The following HSD17B4 variants were observed in gnomAD, a reference collection of about 807,000 sequenced individuals.
The protein encoded by HSD17B4 is hydroxysteroid 17-beta dehydrogenase 4.
Under a neutral mutation model 101.0 loss-of-function variants are expected in HSD17B4, and 70 were observed. That is an observed-to-expected ratio of 0.69 (90% confidence interval 0.57 to 0.85). The LOEUF is 0.85. Among genes scored for constraint, HSD17B4 ranks in the 40% least tolerant of loss-of-function variants. The probability of loss-of-function intolerance (pLI) is 0.00; values close to 1 mark genes in which losing one functional copy is unlikely to be tolerated. For missense variants in HSD17B4, 984 were observed against 892.4 expected (o/e 1.10, Z -1.31); for synonymous variants, 347 against 297.1 (o/e 1.17, Z -1.73).
chr5:119,467,002 GT>G (rs1363841522), intron 2 of HSD17B4, among the ~76,000 whole-genome samples: 1 of 152,022 alleles, frequency 6.6e-6, no homozygotes, highest in African/African-American at 2.4e-5. Context: ...TTCAAGAAAT[GT>G]TTACATTTTC....
chr5:119,456,574 A>G, intron 2 of HSD17B4: 1 of 574,252 alleles, frequency 1.7e-6, no homozygotes. Flanking sequence ...TTCCCAGCTT[A>G]ACAGAATTGA....
intron 2 of HSD17B4, among the ~76,000 whole-genome samples, chr5:119,462,253 T>A: frequency 9.2e-6 from 1 of 109,240 alleles, no homozygotes; most frequent in African/African-American, 4.3e-5. Context: ...ATGTGATTTT[T>A]TTTTTTTTTT....
intron 2 of HSD17B4, among the ~76,000 whole-genome samples, chr5:119,458,032 G>A (rs139339214): frequency 2.2e-4 from 33 of 152,204 alleles, no homozygotes; most frequent in African/African-American, 6.7e-4. Context: ...ATTCAGATTA[G>A]GAGTATTTGA....
intron 2 of HSD17B4, among the ~76,000 whole-genome samples, chr5:119,459,934 T>C (rs1416268964): frequency 2.7e-5 from 4 of 149,084 alleles, no homozygotes; most frequent in Non-Finnish European, 5.9e-5. Flanking sequence ...GCAGTGGCGC[T>C]ATCTCGGCTC....
intron 9 of HSD17B4, 91 bp downstream of exon 9, chr5:119,489,374 T>G: frequency 1.2e-6 from 1 of 827,372 alleles, no homozygotes; most frequent in South Asian, 1.4e-5. Context: ...TTGTATATTT[T>G]TAAATATTGT....
chr5:119,541,849 GAAAT>G, intron 23 of HSD17B4, 52 bp from the exon 24 acceptor site: 1 of 948,184 alleles, frequency 1.1e-6, no homozygotes, highest in Non-Finnish European at 1.7e-6. Flanking sequence ...AAAAAAAAAA[GAAAT>G]AAACTATAAC....
In HSD17B4 at chr5:119,493,443, G is replaced by A. The variant is rs537512338; in HGVS notation, c.740-375G>A. 6.8e-4 allele frequency: 154 copies of A among 225,326 alleles called. No individual in the cohort carries two copies. The Admixed American group carries it at 7.9e-3, about 12-fold the overall frequency. The allele number at this position is 225,326 out of a possible 1,614,324, so 14.0% of individuals were successfully genotyped here. A position where few individuals can be genotyped will look rare whatever the true frequency, so the allele number is the denominator to read the frequency against. ...TGCTAACTCAGCGAAGCTCTATTCA[G>A]TTATCTTCATTTTATAAACAAGAAG... is the stretch of plus-strand genomic sequence containing the variant. On this transcript the variant is annotated intron_variant, in intron 10 of 23. Transcript: ENST00000510025.
Position 119,452,524 on chromosome 5 carries a change from C to G in HSD17B4, c.-52C>G. 1.9e-6 allele frequency: 3 copies of G among 1,613,252 alleles called. No individual in the cohort carries two copies. The highest frequency in any genetic ancestry group is 1.7e-6 in the Non-Finnish European group (2 of 1,179,906). ...TCCCCGCCTCCTCCTGTCCCGCAGT[C>G]GGCGTCCAGCGGCTCTGCTTGTTCG... On this transcript the variant is annotated 5_prime_UTR_variant, in exon 1 of 24. Coordinates refer to ENST00000510025, the MANE Select transcript of HSD17B4 (RefSeq NM_000414.4).
At chr5:119,503,537 G>A (rs977768643) in intron 14 of HSD17B4, among the ~76,000 whole-genome samples, 8 of 152,058 alleles carry the variant, frequency 5.3e-5, no homozygotes, top group Non-Finnish European at 8.8e-5. Context: ...CCAAGGTCAC[G>A]ACTACTGTTT....
At chr5:119,527,320 G>A (rs913146995) in intron 20 of HSD17B4, 101 bp downstream of exon 20, 1 of 680,718 alleles carries the variant, frequency 1.5e-6, no homozygotes, top group Non-Finnish European at 2.7e-6. Flanking sequence ...TTCTTTTTAA[G>A]TAATGGTAAA....
chr5:119,531,222 T>C lies in HSD17B4; in HGVS notation c.1855-44T>C, dbSNP rs371798827. ...TTTATAATCACTTTTCTCCATGAGT[T>C]ATTTTTACAGAACTTTTAAAGTTTA... On this transcript the variant is annotated intron_variant, in intron 21 of 23. Coordinates refer to ENST00000510025, the MANE Select transcript of HSD17B4 (RefSeq NM_000414.4). 7 of 1,602,540 alleles carry C rather than the reference T, an allele frequency of 4.4e-6. No individual in the cohort carries two copies. The African/African-American group carries it at 6.7e-5, about 15-fold the overall frequency.
chr5:119,503,076 T>TTGTGTGTGTGTGTGTG lies in HSD17B4; in HGVS notation c.1261+1008_1261+1023dup, dbSNP rs759039800. Among the ~76,000 whole-genome samples the TTGTGTGTGTGTGTGTG allele has an allele frequency of 2.2e-3, 311 of 140,600 alleles. 3 individuals are homozygous for TTGTGTGTGTGTGTGTG. The East Asian group carries it at 0.026, about 12-fold the overall frequency. 92.2% of individuals were successfully genotyped at this position (140,600 alleles called of 152,430 possible). On this transcript the variant is annotated intron_variant, in intron 14 of 23. Transcript: ENST00000510025. ...AGATTCTCAATCCCAACCTTGGAAA[T>TTGTGTGTGTGTGTGTG]TGTGTGTGTGTGTGTGTGTGTGTGT...
intron 8 of HSD17B4, among the ~76,000 whole-genome samples, chr5:119,479,482 A>T (rs1039561434): frequency 2.0e-5 from 3 of 152,174 alleles, no homozygotes; most frequent in African/African-American, 7.2e-5. Flanking sequence ...CGTTATGATA[A>T]GCTAAAGTTC....
intron 17 of HSD17B4, among the ~76,000 whole-genome samples, chr5:119,523,292 C>CA (rs1339167706): frequency 3.9e-5 from 6 of 152,154 alleles, no homozygotes; most frequent in African/African-American, 1.4e-4. Context: ...TTTTAATATG[C>CA]AAAATAATAT....
intron 2 of HSD17B4, among the ~76,000 whole-genome samples, chr5:119,469,748 A>G (rs951820766): frequency 3.9e-5 from 6 of 152,192 alleles, no homozygotes; most frequent in African/African-American, 1.4e-4. Context: ...TTTTGTAGGG[A>G]AAGACTTTTT....
intron 18 of HSD17B4, chr5:119,525,620 G>A (rs913754080): frequency 1.2e-5 from 6 of 518,524 alleles, no homozygotes; most frequent in African/African-American, 1.1e-4. Context: ...TACCTGTGTG[G>A]ATGTTGAGAG....
intron 1 of HSD17B4, among the ~76,000 whole-genome samples, chr5:119,453,932 A>C (rs1754336347): frequency 6.6e-6 from 1 of 152,192 alleles, no homozygotes; most frequent in African/African-American, 2.4e-5. Context: ...CAGGGATTAC[A>C]TTCTAAGACG....
intron 13 of HSD17B4, among the ~76,000 whole-genome samples, chr5:119,501,387 G>A (rs1289339770): frequency 6.6e-6 from 1 of 151,322 alleles, no homozygotes; most frequent in African/African-American, 2.4e-5. Flanking sequence ...GTGAAAGTGG[G>A]ATCATTTGAG....
At chr5:119,485,510 A>T (rs185970903) in intron 8 of HSD17B4, among the ~76,000 whole-genome samples, 5 of 152,254 alleles carry the variant, frequency 3.3e-5, no homozygotes, top group Admixed American at 3.3e-4. Context: ...TATTATTTCT[A>T]GTCCTAAAAT....
Sources: allele counts gnomAD v4.1 joint callset (sites outside exome capture counted in the v4.1 genomes callset), GRCh38; gene constraint gnomAD v4.1.1; transcripts MANE v1.5; gene names NCBI Gene and HGNC (gene_info 2026-07-23, HGNC 2026-07-21).